PCDH15: variants seen among roughly 807,000 people sequenced by gnomAD.
PCDH15 encodes the protein protocadherin related 15, also known as protocadherin-15.
A neutral mutation model predicts 178.5 loss-of-function variants in PCDH15; 129 were observed. That is an observed-to-expected ratio of 0.72 (90% CI 0.63 to 0.84). The LOEUF is 0.84. PCDH15 is among the 40% of genes least tolerant of loss of function. The pLI, the probability that PCDH15 is intolerant of heterozygous loss-of-function variation, is 0.00. For missense variants in PCDH15, 2,230 were observed against 2,099.9 expected, an observed-to-expected ratio of 1.06 and a Z score of -1.21; for synonymous variants, 800 against 732.0, an observed-to-expected ratio of 1.09 and a Z score of -1.50.
At chr10:54,031,667 A>G (rs2093299293) in intron 18 of PCDH15, among the ~76,000 whole-genome samples, 1 of 152,134 alleles carries the variant, frequency 6.6e-6, no homozygotes, top group Non-Finnish European at 1.5e-5. Flanking sequence ...AGCTGTTCCA[A>G]CATAACCTGC....
At chr10:54,990,101 G>A (rs980183398) in intron 2 of PCDH15, among the ~76,000 whole-genome samples, 5 of 152,112 alleles carry the variant, frequency 3.3e-5, no homozygotes, top group Non-Finnish European at 4.4e-5. Flanking sequence ...ATTAAACCTC[G>A]TTCCTTTGTA....
intron 2 of PCDH15, among the ~76,000 whole-genome samples, chr10:54,932,303 C>T (rs781202271): frequency 8.5e-5 from 13 of 152,124 alleles, no homozygotes; most frequent in Non-Finnish European, 1.5e-4. Context: ...TATTCTGACC[C>T]TGTGTATGCC....
intron 9 of PCDH15, among the ~76,000 whole-genome samples, chr10:54,222,365 T>C (rs1441941921): frequency 6.6e-6 from 1 of 152,214 alleles, no homozygotes; most frequent in Non-Finnish European, 1.5e-5. Flanking sequence ...TCTTTAGCAA[T>C]GACTGATTTG....
rs1837394843 is a variant in PCDH15 at position 55,376,371 on chromosome 10, G to A, written c.-155-209720C>T. ...GACTTCAAAAGAATTCTTGCCCTTGGCGTCTCAGGTTTCATCACAGGAGCC... is the reference window on the plus strand; with the variant it reads ...GACTTCAAAAGAATTCTTGCCCTTGACGTCTCAGGTTTCATCACAGGAGCC... On this transcript the variant is annotated intron_variant, in intron 2 of 5. Coordinates refer to the PCDH15 transcript ENST00000613346. Among the ~76,000 whole-genome samples the A allele has an allele frequency of 2.0e-5, 3 of 151,988 alleles. 1 individual carries two copies. The South Asian group carries it at 6.2e-4, about 31-fold the overall frequency.
At chr10:54,816,245 A>G (rs901701966) in intron 3 of PCDH15, among the ~76,000 whole-genome samples, 1 of 152,106 alleles carries the variant, frequency 6.6e-6, no homozygotes, top group Admixed American at 6.6e-5. Flanking sequence ...AAATAAATGG[A>G]TGCAAGAGCC....
intron 2 of PCDH15, among the ~76,000 whole-genome samples, chr10:55,011,289 C>A (rs11004672): frequency 0.066 from 10,107 of 152,054 alleles, 483 homozygotes; most frequent in African/African-American, 0.13. Context: ...AAGAAACATA[C>A]AAATGACCAA....
intron 2 of PCDH15, among the ~76,000 whole-genome samples, chr10:55,549,851 G>A (rs757547946): frequency 7.9e-5 from 12 of 152,058 alleles, no homozygotes; most frequent in South Asian, 2.1e-4. Context: ...CAATTGGTAC[G>A]ACAAATAGAG....
chr10:55,235,686 C>A (rs189680721), intron 1 of PCDH15, among the ~76,000 whole-genome samples: 1 of 152,048 alleles, frequency 6.6e-6, no homozygotes, highest in Non-Finnish European at 1.5e-5. Context: ...GTGGGTGGAT[C>A]ACCTGAGGTC....
chr10:54,565,098 T>C (rs1408296678), intron 2 of PCDH15, among the ~76,000 whole-genome samples: 1 of 152,318 alleles, frequency 6.6e-6, no homozygotes, highest in South Asian at 2.1e-4. Context: ...TAAACTCACT[T>C]CATTCACTTG....
intron 3 of PCDH15, among the ~76,000 whole-genome samples, chr10:54,432,515 T>C (rs1957084805): frequency 6.6e-6 from 1 of 152,172 alleles, no homozygotes; most frequent in African/African-American, 2.4e-5. Context: ...CTGGGAAAAC[T>C]GGATATCCAT....
chr10:55,375,421 C>T (rs762798969), intron 2 of PCDH15, among the ~76,000 whole-genome samples: 3 of 151,884 alleles, frequency 2.0e-5, no homozygotes, highest in Admixed American at 6.6e-5. Context: ...TTCCTGTAAT[C>T]GTGGTTTATT....
At chr10:53,974,214 C>A (rs948460262) in intron 21 of PCDH15, among the ~76,000 whole-genome samples, 8 of 152,090 alleles carry the variant, frequency 5.3e-5, no homozygotes, top group South Asian at 2.1e-4. Context: ...AGGGTTTCAC[C>A]ATGTTGCCTA....
rs117622505 is a variant in PCDH15 at position 54,363,443 on chromosome 10, G to C, written c.474+5677C>G. On this transcript the variant is annotated intron_variant, in intron 5 of 37. Transcript: ENST00000644397. Reference sequence around the variant, plus strand: ...TTTCAGGTGAGAAATCTGAAGTACAGAACAAATTAAATGAAATGTTTTTAA... The same window carrying C: ...TTTCAGGTGAGAAATCTGAAGTACACAACAAATTAAATGAAATGTTTTTAA... 6.8e-3 allele frequency among the ~76,000 whole-genome samples: 1,032 copies of C among 152,174 alleles called. 9 individuals are homozygous for C. Among genetic ancestry groups the C allele is most frequent in the Non-Finnish European group, 0.012 (809 of 67,982 alleles).
intron 13 of PCDH15, among the ~76,000 whole-genome samples, chr10:54,180,183 A>G (rs934918465): frequency 6.6e-6 from 1 of 152,180 alleles, no homozygotes; most frequent in Non-Finnish European, 1.5e-5. Flanking sequence ...TCACTCCTCT[A>G]AGTGTTGTTC....
chr10:54,202,248 G>C (rs2050308485), intron 10 of PCDH15, among the ~76,000 whole-genome samples: 1 of 151,736 alleles, frequency 6.6e-6, no homozygotes, highest in South Asian at 2.1e-4. Context: ...TTTACTTACT[G>C]AACTATAGCT....
At position 54,253,968 on chromosome 10, in the gene PCDH15, G is replaced by A. The variant is rs372869366; in HGVS notation, c.877-17037C>T. Among the ~76,000 whole-genome samples, 354 of 152,046 alleles carry A rather than the reference G, an allele frequency of 2.3e-3. 1 individual carries two copies. The highest frequency in any genetic ancestry group is 8.0e-3 in the African/African-American group (333 of 41,504). On this transcript the variant is annotated intron_variant, in intron 8 of 37. Coordinates refer to ENST00000644397, the MANE Select transcript of PCDH15 (RefSeq NM_001384140.1). ...AATTTTAAACATATACAGCATTTGT[G>A]CATTAGCTTTAGGAAAAATACACTA...
chr10:54,906,840 ATTTCTG>A (rs778361929), intron 2 of PCDH15, among the ~76,000 whole-genome samples: 1 of 152,178 alleles, frequency 6.6e-6, no homozygotes, highest in Non-Finnish European at 1.5e-5. Flanking sequence ...CTCCCTAGGA[ATTTCTG>A]TTTTCTCATA....
At chr10:53,922,483 A>G (rs1216443762) in intron 25 of PCDH15, among the ~76,000 whole-genome samples, 2 of 152,144 alleles carry the variant, frequency 1.3e-5, no homozygotes, top group Admixed American at 1.3e-4. Context: ...TGGGTATGGA[A>G]TTCAGGCCTG....
chr10:54,599,703 T>C, intron 2 of PCDH15: 1 of 451,062 alleles, frequency 2.2e-6, no homozygotes, highest in Admixed American at 3.1e-5. Context: ...CAACTGCACC[T>C]GAAGTTAATG....
Sources: allele counts gnomAD v4.1 joint callset (sites outside exome capture counted in the v4.1 genomes callset), GRCh38; gene constraint gnomAD v4.1.1; transcripts MANE v1.5; gene names NCBI Gene and HGNC (gene_info 2026-07-23, HGNC 2026-07-21).